FCHSD1: variants seen among roughly 807,000 people sequenced by gnomAD.
FCHSD1 encodes the protein F-BAR and double SH3 domains protein 1.
A neutral mutation model predicts 101.3 loss-of-function variants in FCHSD1; 109 were observed. The ratio of observed to expected loss-of-function variants is 1.08; its 90% confidence interval spans 0.92 to 1.26. The LOEUF is 1.26. Ranked by LOEUF, FCHSD1 falls within the 50% of genes most tolerant of loss-of-function variation. The pLI is 0.00. For synonymous variants in FCHSD1, 291 were observed against 356.8 expected, an observed-to-expected ratio of 0.82 and a Z score of 2.08; for missense variants, 820 against 895.8, an observed-to-expected ratio of 0.92 and a Z score of 1.08.
At chr5:141,642,927 G>C in intron 18 of FCHSD1, 74 bp downstream of exon 18, 1 of 1,430,328 alleles carries the variant, frequency 7.0e-7, no homozygotes. Flanking sequence ...GGACCAGAGC[G>C]TGACCTGGGA....
intron 19 of FCHSD1, 68 bp downstream of exon 19, chr5:141,641,634 G>T: frequency 1.2e-6 from 2 of 1,609,634 alleles, no homozygotes; most frequent in Non-Finnish European, 8.5e-7. Context: ...CCTCAGCCCT[G>T]CAGACAAAAC....
intron 18 of FCHSD1, chr5:141,641,971 G>A (rs1302017749): frequency 1.7e-6 from 1 of 603,488 alleles, no homozygotes; most frequent in East Asian, 2.8e-5. Context: ...AGGGAGATAG[G>A]ATGCATAGTG....
rs752911612 is a variant in FCHSD1 at position 141,640,170 on chromosome 5, C to T, written c.*1328G>A. On this transcript the variant is annotated 3_prime_UTR_variant, in exon 20 of 20. Transcript: ENST00000435817. ...GGACAGCAGCCTAACCCCTCGTGCA[C>T]TTGAAGGGAACCCCAGAGCTTCTGC... 6.2e-7 allele frequency: 1 copy of T among 1,614,162 alleles called. No individual in the cohort carries two copies. Among genetic ancestry groups the T allele is most frequent in the South Asian group, 1.1e-5 (1 of 91,090 alleles).
In FCHSD1 at chr5:141,640,626, C is replaced by T. The variant is rs556863623; in HGVS notation, c.*872G>A. 1.6e-5 allele frequency: 24 copies of T among 1,538,880 alleles called. No individual in the cohort carries two copies. Among genetic ancestry groups the T allele is most frequent in the Non-Finnish European group, 1.9e-5 (22 of 1,145,052 alleles). On this transcript the variant is annotated 3_prime_UTR_variant, in exon 20 of 20. Coordinates refer to ENST00000435817, the MANE Select transcript of FCHSD1 (RefSeq NM_033449.3). ...GGAGCCCCAGGGGAAAAGCTGGACA[C>T]AGCTTGAACAGGAAGCAACAGTGTT...
At position 141,639,439 on chromosome 5, in the gene FCHSD1, C is replaced by A. The variant is rs1172460579; in HGVS notation, c.*2059G>T. ...TGAAGGGAAATGGAAATGTTACCCT[C>A]ACTCCCCTCCTCCCTGCTGTCCAGT... On this transcript the variant is annotated 3_prime_UTR_variant, in exon 20 of 20. Coordinates refer to ENST00000435817, the MANE Select transcript of FCHSD1 (RefSeq NM_033449.3). This position sits in a 1 kb window ranked among gnomAD's most constrained non-coding sequence, Gnocchi z 4.4. The A allele has an allele frequency of 2.6e-6, 4 of 1,565,784 alleles. No homozygotes were observed. The African/African-American group carries it at 4.1e-5, about 16-fold the overall frequency.
Position 141,647,174 on chromosome 5 carries a change from G to T in FCHSD1, c.885C>A (p.Pro295=), listed in dbSNP as rs776160649. ...CTGGCTGAAACTGCTGAGGTGGGGT[G>T]GGGGAAAATACACCAGGCTCCTGAA... The part of the protein sequence containing the change: ...LFLQEPGVFS[P]TPPQQFQPAG... The change falls in exon 10 of 20, where the codon CCC becomes CCA. Residue 295 remains proline (P), a synonymous_variant. Transcript: ENST00000435817. 59 of 1,609,688 alleles carry T rather than the reference G, an allele frequency of 3.7e-5. No homozygotes were observed. In the Admixed American group the frequency reaches 6.6e-4, roughly 18 times the overall value.
chr5:141,646,062 C>G (rs2099907614), intron 12 of FCHSD1, 25 bp downstream of exon 12: 3 of 1,592,122 alleles, frequency 1.9e-6, no homozygotes, highest in Non-Finnish European at 1.7e-6. Context: ...AAGGTGGGAT[C>G]TCTAACCTCA....
Position 141,649,943 on chromosome 5 carries a change from T to C in FCHSD1, c.177A>G (p.Lys59=). The change falls in exon 4 of 20, where the codon AAA becomes AAG. Residue 59 remains lysine, a synonymous_variant. Coordinates refer to ENST00000435817, the MANE Select transcript of FCHSD1 (RefSeq NM_033449.3). This position sits in a 1 kb window ranked among gnomAD's most constrained non-coding sequence, Gnocchi z 4.1. ...CCCTCTTCAGGAATGGGCCAGCCAG[T>C]TTCTGGAGTGCCTGGTGAAAAAGCC... ...IEREYGQALQ[K]LAGPFLKREG... 2 of 1,546,570 alleles carry C rather than the reference T, an allele frequency of 1.3e-6. No homozygotes were observed. The highest frequency in any genetic ancestry group is 1.7e-6 in the Non-Finnish European group (2 of 1,146,832).
At position 141,646,602 on chromosome 5, in the gene FCHSD1, C is replaced by T; in HGVS notation, c.1044+1G>A. 1 of 1,611,448 alleles carries T rather than the reference C, an allele frequency of 6.2e-7. No individual in the cohort carries two copies. Among genetic ancestry groups the T allele is most frequent in the Non-Finnish European group, 8.5e-7 (1 of 1,178,976 alleles). Reference sequence around the variant, plus strand: ...ATGACACCTGTGCCCCCCCACCTCACCCGATGCCCATGGTTCTGGATCTTG... The same window carrying T: ...ATGACACCTGTGCCCCCCCACCTCATCCGATGCCCATGGTTCTGGATCTTG... On this transcript the variant is annotated splice_donor_variant, in intron 11 of 19. Transcript: ENST00000435817. LOFTEE classifies it high-confidence loss of function.
chr5:141,640,366 G>C lies in FCHSD1; in HGVS notation c.*1132C>G. 2 of 1,614,136 alleles carry C rather than the reference G, an allele frequency of 1.2e-6. No homozygotes were observed. Among genetic ancestry groups the C allele is most frequent in the Non-Finnish European group, 8.5e-7 (1 of 1,180,000 alleles). On this transcript the variant is annotated 3_prime_UTR_variant, in exon 20 of 20. Transcript: ENST00000435817. Reference sequence around the variant, plus strand: ...TCTCTACTCTGGGGGGCACTGATAGGACCTACTCCTGGTCTCTCATTGTTG... The same window carrying C: ...TCTCTACTCTGGGGGGCACTGATAGCACCTACTCCTGGTCTCTCATTGTTG...
intron 1 of FCHSD1, 76 bp from the exon 2 acceptor site, chr5:141,651,193 GC>G (rs2099908354): frequency 2.0e-6 from 3 of 1,497,242 alleles, no homozygotes; most frequent in Non-Finnish European, 9.1e-7. Flanking sequence ...CGGTGAGGGG[GC>G]GGGGCCGGGG....
Position 141,649,799 on chromosome 5 carries a change from T to C in FCHSD1, c.233+88A>G. ...CCTACAGCTCACGTGCCTTCCCCAC[T>C]TGCTAGGCCTTCATCCCCACAGGTT... On this transcript the variant is annotated intron_variant, in intron 4 of 19. Transcript: ENST00000435817. This position sits in a 1 kb window ranked among gnomAD's most constrained non-coding sequence, Gnocchi z 4.1. The C allele has an allele frequency of 6.9e-7, 1 of 1,454,274 alleles. No individual in the cohort carries two copies. 90.1% of individuals were successfully genotyped at this position (1,454,274 alleles called of 1,614,324 possible).
intron 18 of FCHSD1, chr5:141,642,051 T>C (rs750324934): frequency 1.8e-6 from 1 of 544,594 alleles, no homozygotes; most frequent in African/African-American, 1.9e-5. Context: ...GACTAAGTGC[T>C]AAGTCATGCA....
chr5:141,650,271 A>C, intron 3 of FCHSD1, 88 bp downstream of exon 3: 1 of 1,561,170 alleles, frequency 6.4e-7, no homozygotes, highest in Non-Finnish European at 8.8e-7. Flanking sequence ...TCTGCTCTTG[A>C]CCACAATAGG....
chr5:141,644,350 G>C lies in FCHSD1; in HGVS notation c.1731C>G (p.Pro577=). The C allele has an allele frequency of 6.2e-7, 1 of 1,613,962 alleles. No individual in the cohort carries two copies. The highest frequency in any genetic ancestry group is 8.5e-7 in the Non-Finnish European group (1 of 1,179,866). ...FPEGALIRLL[P]RAQDGVDDGF... ...CGTCATCTACTCCATCTTGGGCCCGGGGCAGCAGACGGATGAGTGCCCCCT... is the reference window on the plus strand; with the variant it reads ...CGTCATCTACTCCATCTTGGGCCCGCGGCAGCAGACGGATGAGTGCCCCCT... The change falls in exon 17 of 20, where the codon CCC becomes CCG. Residue 577 remains proline, a synonymous_variant. Coordinates refer to ENST00000435817, the MANE Select transcript of FCHSD1 (RefSeq NM_033449.3).
In FCHSD1 at chr5:141,640,243, C is replaced by G. The variant is rs1187685019; in HGVS notation, c.*1255G>C. ...GGGAGGGGCCCAAGCCCAGGGCTGC[C>G]CACTCAAGAGGCAAATGGGCAGCCA... On this transcript the variant is annotated 3_prime_UTR_variant, in exon 20 of 20. Coordinates refer to ENST00000435817, the MANE Select transcript of FCHSD1 (RefSeq NM_033449.3). The G allele has an allele frequency of 9.3e-6, 15 of 1,613,962 alleles. No homozygotes were observed. The highest frequency in any genetic ancestry group is 1.2e-5 in the Non-Finnish European group (14 of 1,179,972).
chr5:141,644,889 T>C lies in FCHSD1; in HGVS notation c.1494A>G (p.Ile498Met). The C allele has an allele frequency of 6.2e-7, 1 of 1,613,840 alleles. No individual in the cohort carries two copies. Among genetic ancestry groups the C allele is most frequent in the South Asian group, 1.1e-5 (1 of 91,060 alleles). The change falls in exon 15 of 20, where the codon ATA becomes ATG. Residue 498 changes from isoleucine (I) to methionine (M), a missense_variant. Coordinates refer to ENST00000435817, the MANE Select transcript of FCHSD1 (RefSeq NM_033449.3). ...TITEGEWLEVIEEGDADEWVK... is the reference protein window; with the variant it reads ...TITEGEWLEVMEEGDADEWVK... ...CCCATTCGTCAGCATCTCCCTCCTC[T>C]ATGACCTCCAGCCACTCACCCTCCG...
Position 141,639,963 on chromosome 5 carries a change from C to T in FCHSD1, c.*1535G>A. ...TGAGAAGCGCTATGGACTGCACGAA[C>T]ACCGTGATGGCTCCCCCACAGACAG... On this transcript the variant is annotated 3_prime_UTR_variant, in exon 20 of 20. Coordinates refer to ENST00000435817, the MANE Select transcript of FCHSD1 (RefSeq NM_033449.3). The surrounding 1 kb of genome is among the most constrained non-coding windows in gnomAD (Gnocchi z 4.4). The T allele has an allele frequency of 1.2e-6, 2 of 1,614,046 alleles. No homozygotes were observed. The highest frequency in any genetic ancestry group is 2.2e-5 in the South Asian group (2 of 91,084).
In FCHSD1 at chr5:141,649,935, C is replaced by A; in HGVS notation, c.185G>T (p.Gly62Val). The change falls in exon 4 of 20, where the codon GGC becomes GTC. Residue 62 changes from glycine to valine, a missense_variant. Coordinates refer to ENST00000435817, the MANE Select transcript of FCHSD1 (RefSeq NM_033449.3). This position sits in a 1 kb window ranked among gnomAD's most constrained non-coding sequence, Gnocchi z 4.1. ...GTGCCCTTCCCTCTTCAGGAATGGG[C>A]CAGCCAGTTTCTGGAGTGCCTGGTG... The part of the protein sequence containing the change: ...EYGQALQKLA[G>V]PFLKREGHRS... The A allele has an allele frequency of 1.3e-6, 2 of 1,548,768 alleles. No individual in the cohort carries two copies. The highest frequency in any genetic ancestry group is 1.7e-6 in the Non-Finnish European group (2 of 1,147,510).
Sources: allele counts gnomAD v4.1 joint callset, GRCh38; gene constraint gnomAD v4.1.1; non-coding constraint Gnocchi (gnomAD v3.1); transcripts MANE v1.5; gene names NCBI Gene and HGNC (gene_info 2026-07-23, HGNC 2026-07-21).